The following CDKAL1 variants were observed in gnomAD, a reference collection of about 807,000 sequenced individuals.
CDKAL1 encodes the protein threonylcarbamoyladenosine tRNA methylthiotransferase.
Under a neutral mutation model 68.2 loss-of-function variants are expected in CDKAL1, and 32 were observed. The observed-to-expected ratio is 0.47, with a 90% confidence interval of 0.35 to 0.63. The LOEUF (loss-of-function observed/expected upper bound fraction) is 0.63. Ranked by LOEUF, CDKAL1 falls within the 30% of genes least tolerant of loss-of-function variation. The pLI is 0.00. For synonymous variants in CDKAL1, 234 were observed against 244.3 expected (o/e 0.96, Z 0.39); for missense variants, 606 against 696.7 (o/e 0.87, Z 1.47).
chr6:20,702,556 A>G (rs1395306623), intron 5 of CDKAL1, among the ~76,000 whole-genome samples: 2 of 152,184 alleles, frequency 1.3e-5, no homozygotes, highest in African/African-American at 4.8e-5. Context: ...CCAACTGCTC[A>G]GGCAAAACTT....
intron 9 of CDKAL1, among the ~76,000 whole-genome samples, chr6:20,937,479 A>T (rs146594843): frequency 1.3e-3 from 197 of 152,306 alleles, no homozygotes; most frequent in African/African-American, 4.3e-3. Flanking sequence ...TGCAGACCCT[A>T]TCCAAATTTC....
At chr6:21,085,819 C>T (rs1169957208) in intron 12 of CDKAL1, among the ~76,000 whole-genome samples, 1 of 152,060 alleles carries the variant, frequency 6.6e-6, no homozygotes, top group Non-Finnish European at 1.5e-5. Context: ...CAAGGAGTGA[C>T]GCAATCTAAG....
At chr6:21,024,726 C>A (rs1244884867) in intron 11 of CDKAL1, among the ~76,000 whole-genome samples, 4 of 152,146 alleles carry the variant, frequency 2.6e-5, no homozygotes, top group African/African-American at 9.7e-5. Flanking sequence ...ACAGCTGTTC[C>A]TGCTTTGAGA....
rs1427294915 is a variant in CDKAL1, at chr6:21,122,688, A to G, written c.1299+14225A>G. 2.0e-5 allele frequency among the ~76,000 whole-genome samples: 3 copies of G among 152,022 alleles called. No individual in the cohort carries two copies. The East Asian group carries it at 5.8e-4, about 29-fold the overall frequency. The stretch of plus-strand genomic sequence containing the variant: ...CGCACACTGTTGTCCAGGCTAGAGT[A>G]CAGTGCCACAATGATATAGCTCACT... On this transcript the variant is annotated intron_variant, in intron 13 of 15. Coordinates refer to ENST00000274695, the MANE Select transcript of CDKAL1 (RefSeq NM_017774.3).
At position 21,003,343 on chromosome 6, in the gene CDKAL1, A is replaced by AATATATATATATATATATATATATAT. The variant is rs71540608; in HGVS notation, c.1055+2975_1055+3000dup. Among the ~76,000 whole-genome samples the AATATATATATATATATATATATATAT allele has an allele frequency of 6.7e-4, 27 of 40,418 alleles. 1 individual carries two copies. Among genetic ancestry groups the AATATATATATATATATATATATATAT allele is most frequent in the Admixed American group, 1.4e-3 (4 of 2,794 alleles). The allele number at this position is 40,418 out of a possible 152,430, so 26.5% of individuals were successfully genotyped here. On this transcript the variant is annotated intron_variant, in intron 11 of 15. Coordinates refer to ENST00000274695, the MANE Select transcript of CDKAL1 (RefSeq NM_017774.3). The stretch of plus-strand genomic sequence containing the variant: ...CAACATGGTGAAACCATCTCTACTA[A>AATATATATATATATATATATATATAT]ATATATATATATATATATATATATA...
At chr6:20,733,832 T>C (rs1242020959) in intron 5 of CDKAL1, among the ~76,000 whole-genome samples, 2 of 152,154 alleles carry the variant, frequency 1.3e-5, no homozygotes, top group Non-Finnish European at 2.9e-5. Flanking sequence ...CTTTAAGTAT[T>C]TTTTATTATG....
intron 12 of CDKAL1, among the ~76,000 whole-genome samples, chr6:21,103,350 C>G (rs1773678222): frequency 6.6e-6 from 1 of 151,716 alleles, no homozygotes; most frequent in Admixed American, 6.6e-5. Flanking sequence ...ATTACATTGT[C>G]TGGAAACCTG....
At chr6:20,580,377 T>C (rs1207324801) in intron 4 of CDKAL1, among the ~76,000 whole-genome samples, 1 of 152,082 alleles carries the variant, frequency 6.6e-6, no homozygotes, top group Non-Finnish European at 1.5e-5. Flanking sequence ...CAGATTCTAG[T>C]CATTTGGTGA....
intron 6 of CDKAL1, among the ~76,000 whole-genome samples, chr6:20,753,210 C>T (rs10946405): frequency 0.27 from 41,415 of 152,082 alleles, 5,877 homozygotes; most frequent in Non-Finnish European, 0.33. Context: ...CACTAACTGA[C>T]ATTGTCTCTG....
At chr6:20,924,814 A>T (rs9460579) in intron 9 of CDKAL1, among the ~76,000 whole-genome samples, 90 of 152,382 alleles carry the variant, frequency 5.9e-4, no homozygotes, top group African/African-American at 2.1e-3. Context: ...AAGACCATCG[A>T]TGAAGGCGCC....
chr6:21,175,441 G>C (rs1777540160), intron 13 of CDKAL1, among the ~76,000 whole-genome samples: 1 of 152,106 alleles, frequency 6.6e-6, no homozygotes, highest in African/African-American at 2.4e-5. Context: ...AGCTCATCTA[G>C]GTGACCATCC....
At chr6:21,056,206 T>C (rs1383063552) in intron 11 of CDKAL1, among the ~76,000 whole-genome samples, 1 of 152,158 alleles carries the variant, frequency 6.6e-6, no homozygotes, top group Non-Finnish European at 1.5e-5. Context: ...CTTTGAACGG[T>C]GGTTTGTAGT....
intron 13 of CDKAL1, among the ~76,000 whole-genome samples, chr6:21,165,625 T>C (rs1419982527): frequency 6.6e-6 from 1 of 152,238 alleles, no homozygotes; most frequent in African/African-American, 2.4e-5. Context: ...CGTATAGTTC[T>C]CATTTTCATA....
At chr6:20,815,986 G>A (rs146542834) in intron 8 of CDKAL1, among the ~76,000 whole-genome samples, 2 of 152,118 alleles carry the variant, frequency 1.3e-5, no homozygotes, top group African/African-American at 2.4e-5. Flanking sequence ...TCTCTCCAGA[G>A]CTATAGGAGA....
chr6:20,675,327 C>G (rs1324803604), intron 5 of CDKAL1, among the ~76,000 whole-genome samples: 1 of 152,034 alleles, frequency 6.6e-6, no homozygotes, highest in Non-Finnish European at 1.5e-5. Flanking sequence ...GGTCCTTTTG[C>G]TTTTTTGTGG....
rs1761470802 is a variant in CDKAL1 at position 20,892,686 on chromosome 6, T to A, written c.742+46508T>A. Among the ~76,000 whole-genome samples the A allele has an allele frequency of 2.6e-5, 4 of 152,218 alleles. No homozygotes were observed. The South Asian group carries it at 8.3e-4, about 31-fold the overall frequency. The stretch of plus-strand genomic sequence containing the variant: ...GAATCATCCAGATTTAACAAAGCAG[T>A]TCTCACTTTAAAATTGATTCTAAGG... On this transcript the variant is annotated intron_variant, in intron 9 of 15. Transcript: ENST00000274695.
At chr6:20,826,565 C>T (rs1432445284) in intron 8 of CDKAL1, among the ~76,000 whole-genome samples, 1 of 152,098 alleles carries the variant, frequency 6.6e-6, no homozygotes, top group Non-Finnish European at 1.5e-5. Context: ...TAGACTGGTG[C>T]CAGACTCAGT....
chr6:21,121,398 A>C (rs1447956081), intron 13 of CDKAL1, among the ~76,000 whole-genome samples: 1 of 152,240 alleles, frequency 6.6e-6, no homozygotes, highest in Non-Finnish European at 1.5e-5. Context: ...ACTCTAAGCC[A>C]TTATTAAGTC....
At chr6:20,611,367 G>A (rs2127722510) in intron 4 of CDKAL1, among the ~76,000 whole-genome samples, 1 of 152,258 alleles carries the variant, frequency 6.6e-6, no homozygotes. Context: ...CCTTTGTGCA[G>A]TGATCCACCT....
Sources: allele counts gnomAD v4.1 joint callset (sites outside exome capture counted in the v4.1 genomes callset), GRCh38; gene constraint gnomAD v4.1.1; transcripts MANE v1.5; gene names NCBI Gene and HGNC (gene_info 2026-07-23, HGNC 2026-07-21).